The following TMEM87A variants were observed in gnomAD, a reference collection of about 807,000 sequenced individuals.
TMEM87A encodes Golgi-pH regulating cation channel.
A neutral mutation model predicts 90.0 loss-of-function variants in TMEM87A; 50 were observed. That is an observed-to-expected ratio of 0.56 (90% CI 0.44 to 0.70). TMEM87A has a LOEUF of 0.70. TMEM87A is among the 30% of genes least tolerant of loss of function. The probability of loss-of-function intolerance (pLI) is 0.00; values close to 1 mark genes in which losing one functional copy is unlikely to be tolerated. For synonymous variants in TMEM87A, 226 were observed against 226.7 expected (o/e 1.00, Z 0.03); for missense variants, 577 against 660.5 (o/e 0.87, Z 1.39).
intron 11 of TMEM87A, 29 bp downstream of exon 11, chr15:42,233,184 C>T (rs779091352): frequency 1.3e-6 from 2 of 1,558,258 alleles, no homozygotes; most frequent in East Asian, 4.5e-5. Context: ...TTGAACTGAC[C>T]ACAGAAAATG....
At chr15:42,227,635 G>A in intron 14 of TMEM87A, 76 bp downstream of exon 14, 10 of 1,373,166 alleles carry the variant, frequency 7.3e-6, no homozygotes, top group Non-Finnish European at 8.3e-6. Flanking sequence ...TAACTTAGAA[G>A]AACCTTACCA....
intron 14 of TMEM87A, 181 bp downstream of exon 14, chr15:42,227,530 T>G (rs1014186315): frequency 2.9e-4 from 151 of 525,212 alleles, no homozygotes; most frequent in African/African-American, 2.6e-3. Context: ...AAAAAACTAC[T>G]ATACCAAGCA....
At chr15:42,231,106 T>C in intron 12 of TMEM87A, 86 bp downstream of exon 12, 1 of 1,313,542 alleles carries the variant, frequency 7.6e-7, no homozygotes, top group South Asian at 1.4e-5. Context: ...ACAAAACTGA[T>C]AAAAACTCTT....
rs951150963 is a variant in TMEM87A, at chr15:42,210,553, TAAA to T, written c.*1152_*1154del. 4 of 152,348 alleles carry T rather than the reference TAAA, an allele frequency of 2.6e-5. No individual in the cohort carries two copies. Among genetic ancestry groups the T allele is most frequent in the African/African-American group, 9.7e-5 (4 of 41,448 alleles). The allele number at this position is 152,348 out of a possible 1,614,324, so 9.4% of individuals were successfully genotyped here. On this transcript the variant is annotated 3_prime_UTR_variant, in exon 20 of 20. Transcript: ENST00000389834. ...TTAATTTTGTTAAATTTTTTTATATTAAAAAGTGGCATGAACTTTTTATGTAGA... is the reference window on the plus strand; with the variant it reads ...TTAATTTTGTTAAATTTTTTTATATTAAGTGGCATGAACTTTTTATGTAGA...
intron 7 of TMEM87A, among the ~76,000 whole-genome samples, chr15:42,241,882 A>C (rs1441330147): frequency 6.6e-6 from 1 of 151,972 alleles, no homozygotes; most frequent in Non-Finnish European, 1.5e-5. Flanking sequence ...ATAATTTAGT[A>C]GGTTGTAAAA....
chr15:42,222,577 A>C (rs1306821204), intron 15 of TMEM87A, among the ~76,000 whole-genome samples: 1 of 148,274 alleles, frequency 6.7e-6, no homozygotes, highest in African/African-American at 2.5e-5. Context: ...TTTTTTTTTG[A>C]GACAGAGTTT....
chr15:42,266,071 G>C (rs1396648278), intron 3 of TMEM87A, among the ~76,000 whole-genome samples: 1 of 152,134 alleles, frequency 6.6e-6, no homozygotes, highest in Non-Finnish European at 1.5e-5. Context: ...ATTGGTCTTT[G>C]TGTCTGTTTT....
intron 2 of TMEM87A, among the ~76,000 whole-genome samples, chr15:42,268,376 T>G (rs184930757): frequency 1.2e-4 from 18 of 152,280 alleles, no homozygotes; most frequent in African/African-American, 4.3e-4. Flanking sequence ...ATTTAAGTAT[T>G]TATTGAGCAG....
At chr15:42,245,305 TTACTC>T (rs1231851521) in intron 6 of TMEM87A, among the ~76,000 whole-genome samples, 4 of 152,166 alleles carry the variant, frequency 2.6e-5, no homozygotes, top group African/African-American at 9.7e-5. Flanking sequence ...CTGAACTTAC[TTACTC>T]ATCAACCTAT....
At chr15:42,226,647 T>A in intron 15 of TMEM87A, 159 bp downstream of exon 15, 1 of 648,654 alleles carries the variant, frequency 1.5e-6, no homozygotes, top group Non-Finnish European at 2.7e-6. Flanking sequence ...AATCATGAAG[T>A]TAAGAGGAGA....
At chr15:42,217,745 C>A in intron 19 of TMEM87A, 58 bp downstream of exon 19, 1 of 1,548,100 alleles carries the variant, frequency 6.5e-7, no homozygotes, top group Non-Finnish European at 8.9e-7. Flanking sequence ...ACAGACGATT[C>A]ATGACTTTCT....
chr15:42,238,235 G>T (rs1221419001), intron 8 of TMEM87A, among the ~76,000 whole-genome samples: 2 of 152,076 alleles, frequency 1.3e-5, no homozygotes, highest in East Asian at 3.9e-4. Flanking sequence ...TGAGTTCAAG[G>T]CCAGTCTAGG....
chr15:42,248,180 G>A (rs1374117038), intron 6 of TMEM87A, among the ~76,000 whole-genome samples: 1 of 152,134 alleles, frequency 6.6e-6, no homozygotes, highest in Non-Finnish European at 1.5e-5. Flanking sequence ...AGGAGATTTT[G>A]GGCTGAGATG....
At position 42,210,972 on chromosome 15, in the gene TMEM87A, GCCAGCAATGGGATGTGTC is replaced by G. The variant is rs1422066494; in HGVS notation, c.*718_*735del. The G allele has an allele frequency of 1.3e-5, 2 of 152,590 alleles. No individual in the cohort carries two copies. Among genetic ancestry groups the G allele is most frequent in the Non-Finnish European group, 2.9e-5 (2 of 68,024 alleles). 9.5% of individuals were successfully genotyped at this position (152,590 alleles called of 1,614,324 possible). A position where few individuals can be genotyped will look rare whatever the true frequency, so the allele number is the denominator to read the frequency against. Reference sequence around the variant, plus strand: ...AAAGTTTCGGAGTGTGCACCACATTGCCAGCAATGGGATGTGTCACAATAGCAGATGTCAAAAGAGTTA... The same window carrying G: ...AAAGTTTCGGAGTGTGCACCACATTGACAATAGCAGATGTCAAAAGAGTTA... On this transcript the variant is annotated 3_prime_UTR_variant, in exon 20 of 20. Transcript: ENST00000389834.
At chr15:42,260,035 G>A (rs969620857) in intron 6 of TMEM87A, among the ~76,000 whole-genome samples, 2 of 152,056 alleles carry the variant, frequency 1.3e-5, no homozygotes, top group Non-Finnish European at 2.9e-5. Flanking sequence ...TGCACAACTT[G>A]AGAATACTAA....
chr15:42,268,658 C>T (rs776677729), intron 2 of TMEM87A, among the ~76,000 whole-genome samples: 1 of 150,186 alleles, frequency 6.7e-6, no homozygotes, highest in Non-Finnish European at 1.5e-5. Flanking sequence ...CAGAGCGAGA[C>T]CCTGTCTCAA....
In TMEM87A at chr15:42,273,427, G is replaced by C. The variant is rs1305871278; in HGVS notation, c.-29C>G. On this transcript the variant is annotated 5_prime_UTR_variant, in exon 1 of 20. Transcript: ENST00000389834. ...CACAGCCGTGGAGTGCCTACCGAAA[G>C]CATTTCACCCTCTTCCGGTTCGTCC... The C allele has an allele frequency of 3.7e-6, 6 of 1,612,896 alleles. No homozygotes were observed. The highest frequency in any genetic ancestry group is 5.1e-6 in the Non-Finnish European group (6 of 1,179,674).
chr15:42,233,075 C>T, intron 11 of TMEM87A, 138 bp downstream of exon 11: 1 of 622,152 alleles, frequency 1.6e-6, no homozygotes, highest in Admixed American at 3.1e-5. Flanking sequence ...ATGAACTATA[C>T]ATATATTTTG....
chr15:42,266,056 G>A (rs985721045), intron 3 of TMEM87A, among the ~76,000 whole-genome samples: 2 of 152,126 alleles, frequency 1.3e-5, no homozygotes, highest in African/African-American at 4.8e-5. Flanking sequence ...TGTCTTCTCT[G>A]TTTCATTGGT....
Sources: allele counts gnomAD v4.1 joint callset (sites outside exome capture counted in the v4.1 genomes callset), GRCh38; gene constraint gnomAD v4.1.1; transcripts MANE v1.5; gene names NCBI Gene and HGNC (gene_info 2026-07-23, HGNC 2026-07-21).